The following NTM variants were observed in gnomAD, a reference collection of about 807,000 sequenced individuals.
NTM encodes the protein neurotrimin, also known as IgLON family member 2.
In NTM, 13 loss-of-function variants were observed where a neutral mutation model predicts 42.1. That is an observed-to-expected ratio of 0.31 (90% CI 0.20 to 0.49). NTM has a LOEUF of 0.49. Ranked by LOEUF, NTM falls within the 20% of genes least tolerant of loss-of-function variation. The probability of loss-of-function intolerance (pLI) is 0.99; values close to 1 mark genes in which losing one functional copy is unlikely to be tolerated. For missense variants in NTM, 373 were observed against 452.8 expected, an observed-to-expected ratio of 0.82 and a Z score of 1.60; for synonymous variants, 187 against 179.2, an observed-to-expected ratio of 1.04 and a Z score of -0.35.
chr11:131,812,994 T>C (rs963773326), intron 1 of NTM, among the ~76,000 whole-genome samples: 1 of 152,194 alleles, frequency 6.6e-6, no homozygotes, highest in Non-Finnish European at 1.5e-5. Context: ...CCTTGGTTTT[T>C]ATGACAACGT....
At chr11:131,863,239 A>C (rs1420488106) in intron 1 of NTM, among the ~76,000 whole-genome samples, 2 of 152,150 alleles carry the variant, frequency 1.3e-5, no homozygotes, top group Non-Finnish European at 2.9e-5. Flanking sequence ...TGGGCATTTC[A>C]CCTCAGGGCT....
At chr11:131,497,207 A>T (rs966776226) in intron 1 of NTM, among the ~76,000 whole-genome samples, 1 of 152,016 alleles carries the variant, frequency 6.6e-6, no homozygotes, top group African/African-American at 2.4e-5. Context: ...TTATTTTTTC[A>T]AGACCGAGTC....
intron 1 of NTM, among the ~76,000 whole-genome samples, chr11:131,893,334 C>T (rs533770780): frequency 6.6e-6 from 1 of 152,272 alleles, no homozygotes; most frequent in South Asian, 2.1e-4. Flanking sequence ...TCAGTTTCCT[C>T]CTTCGTAAAG....
chr11:131,765,933 T>C (rs1199211889), intron 1 of NTM, among the ~76,000 whole-genome samples: 1 of 152,208 alleles, frequency 6.6e-6, no homozygotes, highest in African/African-American at 2.4e-5. Flanking sequence ...TCTGAGTTGA[T>C]TACCAATAAT....
chr11:132,033,932 C>A (rs1182178409), intron 2 of NTM, among the ~76,000 whole-genome samples: 2 of 152,314 alleles, frequency 1.3e-5, no homozygotes, highest in East Asian at 3.9e-4. Flanking sequence ...CTGGTCATTA[C>A]AACCTGTCTA....
chr11:131,685,901 T>C (rs2073812960), intron 1 of NTM, among the ~76,000 whole-genome samples: 1 of 152,234 alleles, frequency 6.6e-6, no homozygotes, highest in Non-Finnish European at 1.5e-5. Context: ...TAGAGGGTTT[T>C]TCCAGCTCTG....
At chr11:132,091,495 T>TA (rs1463965146) in intron 2 of NTM, among the ~76,000 whole-genome samples, 1 of 152,032 alleles carries the variant, frequency 6.6e-6, no homozygotes, top group Non-Finnish European at 1.5e-5. Flanking sequence ...ATATTTATTT[T>TA]ATTGAGACAA....
intron 2 of NTM, among the ~76,000 whole-genome samples, chr11:132,060,659 A>G (rs1234271100): frequency 6.6e-6 from 1 of 152,244 alleles, no homozygotes; most frequent in Non-Finnish European, 1.5e-5. Flanking sequence ...ACTTGCAGTC[A>G]CAGAAATAGT....
chr11:132,297,793 C>A (rs879593358), intron 4 of NTM, among the ~76,000 whole-genome samples: 6 of 152,092 alleles, frequency 3.9e-5, no homozygotes, highest in African/African-American at 1.5e-4. Flanking sequence ...CAAGGGGGTA[C>A]CAAGCCGTGT....
At chr11:132,266,224 C>T (rs1267962190) in intron 4 of NTM, among the ~76,000 whole-genome samples, 1 of 152,064 alleles carries the variant, frequency 6.6e-6, no homozygotes, top group Admixed American at 6.5e-5. Flanking sequence ...TGGTTGAAGC[C>T]TACAGCAAGG....
At chr11:131,582,475 A>G (rs1387201809) in intron 1 of NTM, 11 of 152,192 alleles carry the variant, frequency 7.2e-5, no homozygotes, top group Non-Finnish European at 1.6e-4. Context: ...TAGTAGTTAA[A>G]CTATGCTTTG....
chr11:132,081,166 G>A lies in NTM; in HGVS notation c.168-65116G>A, dbSNP rs1034723033. Among the ~76,000 whole-genome samples the A allele has an allele frequency of 6.6e-5, 10 of 152,336 alleles. No homozygotes were observed. In the East Asian group the frequency reaches 1.2e-3, roughly 18 times the overall value. On this transcript the variant is annotated intron_variant, in intron 2 of 8. Transcript: ENST00000683400. The stretch of plus-strand genomic sequence containing the variant: ...AAGGTAAGACTTCATCTGGGCCTTG[G>A]AGCTGCATAGGAATTAGACTGGTGC...
Position 131,855,880 on chromosome 11 carries a change from A to C in NTM, c.83-55684A>C, listed in dbSNP as rs141941642. ...TGTGCTGGATCAATCCTCCATCCTC[A>C]ATAGCTAGCTTAGTGTCTGACACAC... On this transcript the variant is annotated intron_variant, in intron 1 of 8. Transcript: ENST00000683400. Among the ~76,000 whole-genome samples, 420 of 152,280 alleles carry C rather than the reference A, an allele frequency of 2.8e-3. 3 individuals are homozygous for C. The highest frequency in any genetic ancestry group is 9.3e-3 in the African/African-American group (385 of 41,558).
chr11:131,381,164 T>C lies in NTM; in HGVS notation c.82+10276T>C, dbSNP rs114884457. On this transcript the variant is annotated intron_variant, in intron 1 of 8. Coordinates refer to ENST00000683400, the MANE Select transcript of NTM (RefSeq NM_001352005.2). Reference sequence around the variant, plus strand: ...TCTACATCTAGGTGAGGTGCTGGCATCAGAGGGAAGAATGGGGACAGGGAA... The same window carrying C: ...TCTACATCTAGGTGAGGTGCTGGCACCAGAGGGAAGAATGGGGACAGGGAA... Among the ~76,000 whole-genome samples, 526 of 152,272 alleles carry C rather than the reference T, an allele frequency of 3.5e-3. 2 individuals are homozygous for C. Among genetic ancestry groups the C allele is most frequent in the African/African-American group, 0.012 (505 of 41,564 alleles).
intron 1 of NTM, among the ~76,000 whole-genome samples, chr11:131,575,196 C>A (rs536332313): frequency 3.2e-4 from 48 of 151,274 alleles, no homozygotes; most frequent in African/African-American, 1.2e-3. Context: ...CATACAAAGG[C>A]TCTGAGAAGT....
At chr11:131,622,981 A>C (rs1377566820) in intron 1 of NTM, among the ~76,000 whole-genome samples, 3 of 152,246 alleles carry the variant, frequency 2.0e-5, no homozygotes, top group Non-Finnish European at 2.9e-5. Flanking sequence ...AAAAAGAGAA[A>C]GAGGAAGAGG....
chr11:131,674,087 A>G (rs1441498430), intron 1 of NTM, among the ~76,000 whole-genome samples: 1 of 152,236 alleles, frequency 6.6e-6, no homozygotes. Context: ...ATACACACAC[A>G]GCGTAGGGTG....
At chr11:131,452,118 G>C (rs888853826) in intron 1 of NTM, among the ~76,000 whole-genome samples, 2 of 152,226 alleles carry the variant, frequency 1.3e-5, no homozygotes, top group Non-Finnish European at 2.9e-5. Context: ...AAAAGAAGTG[G>C]GGGGAGGGAT....
At chr11:131,668,524 C>T (rs1001375883) in intron 1 of NTM, among the ~76,000 whole-genome samples, 4 of 152,178 alleles carry the variant, frequency 2.6e-5, no homozygotes, top group Non-Finnish European at 2.9e-5. Flanking sequence ...CTGGCCCTTT[C>T]CCCTGTTGGA....
Sources: allele counts gnomAD v4.1 joint callset (sites outside exome capture counted in the v4.1 genomes callset), GRCh38; gene constraint gnomAD v4.1.1; transcripts MANE v1.5; gene names NCBI Gene and HGNC (gene_info 2026-07-23, HGNC 2026-07-21).